Variants in CCDC178 observed in about 807,000 individuals in gnomAD.
CCDC178 encodes coiled-coil domain-containing protein 178.
A neutral mutation model predicts 117.4 loss-of-function variants in CCDC178; 126 were observed. That is an observed-to-expected ratio of 1.07 (90% CI 0.93 to 1.24). CCDC178 has a LOEUF of 1.24. Among genes scored for constraint, CCDC178 ranks in the 50% most tolerant of loss-of-function variants. The pLI, the probability that CCDC178 is intolerant of heterozygous loss-of-function variation, is 0.00. For synonymous variants in CCDC178, 283 were observed against 313.4 expected (o/e 0.90, Z 1.02); for missense variants, 1,030 against 986.9 (o/e 1.04, Z -0.59).
chr18:33,192,332 C>A (rs764215516), intron 20 of CCDC178, among the ~76,000 whole-genome samples: 1 of 152,092 alleles, frequency 6.6e-6, no homozygotes, highest in Non-Finnish European at 1.5e-5. Flanking sequence ...AGCAGCTGAA[C>A]AAAGGACTTC....
At chr18:33,215,364 T>C (rs1436076741) in intron 19 of CCDC178, among the ~76,000 whole-genome samples, 186 bp downstream of exon 19, 2 of 151,998 alleles carry the variant, frequency 1.3e-5, no homozygotes, top group Admixed American at 1.3e-4. Flanking sequence ...GAAGCAATAA[T>C]GAATGAAAGC....
intron 5 of CCDC178, among the ~76,000 whole-genome samples, chr18:33,370,751 C>G (rs906849887): frequency 6.6e-6 from 1 of 151,948 alleles, no homozygotes; most frequent in African/African-American, 2.4e-5. Flanking sequence ...ATTGGAGTCT[C>G]ATACGAAGAG....
intron 20 of CCDC178, among the ~76,000 whole-genome samples, chr18:33,190,583 T>G (rs2058845566): frequency 1.3e-5 from 2 of 152,238 alleles, no homozygotes; most frequent in Non-Finnish European, 1.5e-5. Context: ...AGCTTATACA[T>G]TCTACATATG....
intron 21 of CCDC178, among the ~76,000 whole-genome samples, chr18:33,033,239 T>C (rs2144867354): frequency 6.6e-6 from 1 of 152,254 alleles, no homozygotes; most frequent in African/African-American, 2.4e-5. Flanking sequence ...TTTAGTGTTG[T>C]GAGTCTTAAA....
intron 14 of CCDC178, among the ~76,000 whole-genome samples, chr18:33,247,093 T>TGTGTGTGA (rs557237712): frequency 2.2e-4 from 32 of 148,206 alleles, no homozygotes; most frequent in African/African-American, 7.3e-4. Flanking sequence ...TGTGTGTGTG[T>TGTGTGTGA]GAGAGAGAGA....
chr18:33,219,600 A>T (rs1698106738), intron 18 of CCDC178, among the ~76,000 whole-genome samples: 1 of 152,284 alleles, frequency 6.6e-6, no homozygotes, highest in South Asian at 2.1e-4. Context: ...GCAGCCATAA[A>T]AAGGATGAGT....
intron 3 of CCDC178, among the ~76,000 whole-genome samples, chr18:33,409,418 A>G (rs2061361): frequency 0.8 from 121,193 of 152,140 alleles, 48,602 homozygotes; most frequent in East Asian, 1. Flanking sequence ...GAGAGTTTCC[A>G]TATGATTGCA....
intron 14 of CCDC178, among the ~76,000 whole-genome samples, chr18:33,259,167 A>C (rs2059713322): frequency 6.6e-6 from 1 of 152,192 alleles, no homozygotes; most frequent in South Asian, 2.1e-4. Context: ...TTCAAAGAGA[A>C]AAAAATTAAC....
chr18:33,379,447 C>CT (rs1017046593), intron 5 of CCDC178, among the ~76,000 whole-genome samples: 3 of 151,916 alleles, frequency 2.0e-5, no homozygotes, highest in Admixed American at 6.6e-5. Flanking sequence ...GGGAGAAGCT[C>CT]TTTTTTTGCT....
intron 21 of CCDC178, among the ~76,000 whole-genome samples, chr18:33,014,476 A>T (rs2055937688): frequency 6.6e-6 from 1 of 152,252 alleles, no homozygotes; most frequent in South Asian, 2.1e-4. Context: ...AAAATCTCTG[A>T]CAAAGCACTA....
At chr18:33,411,260 C>T (rs1361138796) in intron 3 of CCDC178, among the ~76,000 whole-genome samples, 1 of 152,124 alleles carries the variant, frequency 6.6e-6, no homozygotes, top group African/African-American at 2.4e-5. Context: ...AAGTTCTATA[C>T]CAGGGTTGGC....
chr18:33,406,525 A>C (rs984511603), intron 3 of CCDC178, among the ~76,000 whole-genome samples: 4 of 152,116 alleles, frequency 2.6e-5, no homozygotes, highest in African/African-American at 7.2e-5. Flanking sequence ...AAAGAGAAAC[A>C]GAAAAATCTA....
intron 3 of CCDC178, among the ~76,000 whole-genome samples, chr18:33,408,310 GC>G (rs201415358): frequency 0.016 from 2,389 of 151,998 alleles, 32 homozygotes; most frequent in Middle Eastern, 0.024. Context: ...GAAGATGTGT[GC>G]ACATTTTAGT....
chr18:33,249,893 T>C (rs1353457625), intron 14 of CCDC178, among the ~76,000 whole-genome samples: 2 of 152,006 alleles, frequency 1.3e-5, no homozygotes, highest in African/African-American at 2.4e-5. Context: ...ATTCTTCCTA[T>C]CCATGAGCAT....
intron 21 of CCDC178, among the ~76,000 whole-genome samples, chr18:33,048,354 C>T (rs1397215835): frequency 6.6e-6 from 1 of 152,178 alleles, no homozygotes; most frequent in Non-Finnish European, 1.5e-5. Flanking sequence ...CATTCTAACT[C>T]AGTTTCCTGG....
At chr18:33,261,069 G>T (rs1420251082) in intron 14 of CCDC178, among the ~76,000 whole-genome samples, 1 of 119,922 alleles carries the variant, frequency 8.3e-6, no homozygotes, top group Non-Finnish European at 1.7e-5. Context: ...TTAATATCAG[G>T]GTTTTTTTTT....
At chr18:33,234,384 T>C (rs1045934434) in intron 15 of CCDC178, among the ~76,000 whole-genome samples, 3 of 151,930 alleles carry the variant, frequency 2.0e-5, no homozygotes, top group Non-Finnish European at 4.4e-5. Flanking sequence ...TGCCTATGAA[T>C]GGAGTGGAAA....
intron 12 of CCDC178, among the ~76,000 whole-genome samples, chr18:33,286,250 C>T (rs879703194): frequency 6.6e-6 from 1 of 152,116 alleles, no homozygotes; most frequent in African/African-American, 2.4e-5. Flanking sequence ...GCTGGGATTA[C>T]AGGCATGAGC....
rs189032305 is a variant in CCDC178, at chr18:33,264,307, A to G, written c.1409+2609T>C. ...TACCAGTTAGAAACAAGAATATAAG[A>G]ACTATTTTGATATATGAATTGGTAA... is the stretch of plus-strand genomic sequence containing the variant. On this transcript the variant is annotated intron_variant, in intron 14 of 22. Coordinates refer to ENST00000383096, the MANE Select transcript of CCDC178 (RefSeq NM_001105528.4). 2.6e-3 allele frequency among the ~76,000 whole-genome samples: 394 copies of G among 152,134 alleles called. 4 individuals carry two copies. The highest frequency in any genetic ancestry group is 9.1e-3 in the African/African-American group (377 of 41,526).
Sources: gnomAD v4.1 joint callset for allele counts (sites outside exome capture counted in the v4.1 genomes callset) on GRCh38, gnomAD v4.1.1 for gene constraint, MANE v1.5 for transcripts, NCBI Gene and HGNC (gene_info 2026-07-23, HGNC 2026-07-21) for gene names.